The following TBC1D22A variants were observed in gnomAD, a reference collection of about 807,000 sequenced individuals.
TBC1D22A encodes putative GTPase activator.
TBC1D22A carries 38 observed loss-of-function variants against 60.2 expected under a neutral mutation model. The observed-to-expected ratio is 0.63, with a 90% CI of 0.49 to 0.83. The LOEUF (loss-of-function observed/expected upper bound fraction) is 0.83, where lower values mean the gene tolerates loss of function less well. Among genes scored for constraint, TBC1D22A ranks in the 40% least tolerant of loss-of-function variants. The pLI is 0.00. For synonymous variants in TBC1D22A, 302 were observed against 281.7 expected (o/e 1.07, Z -0.72); for missense variants, 628 against 701.0 (o/e 0.90, Z 1.18).
At chr22:47,018,285 T>G (rs2061969883) in intron 10 of TBC1D22A, among the ~76,000 whole-genome samples, 1 of 152,238 alleles carries the variant, frequency 6.6e-6, no homozygotes, top group Non-Finnish European at 1.5e-5. Context: ...GCTGGATGCG[T>G]GTGGATCTGT....
chr22:47,079,898 G>C (rs186772155), intron 11 of TBC1D22A, among the ~76,000 whole-genome samples: 1 of 152,166 alleles, frequency 6.6e-6, no homozygotes, highest in Non-Finnish European at 1.5e-5. Context: ...AGCACTTTAC[G>C]TGTAATAACA....
At chr22:46,809,177 G>T (rs2085279230) in intron 4 of TBC1D22A, among the ~76,000 whole-genome samples, 1 of 152,180 alleles carries the variant, frequency 6.6e-6, no homozygotes, top group South Asian at 2.1e-4. Context: ...CCAGTTTCCG[G>T]GAAGGGCTCT....
intron 7 of TBC1D22A, among the ~76,000 whole-genome samples, chr22:46,909,495 G>A (rs1249483885): frequency 6.6e-6 from 1 of 152,194 alleles, no homozygotes; most frequent in Non-Finnish European, 1.5e-5. Context: ...GGCTGCCGCG[G>A]TCCTCTGGAC....
intron 4 of TBC1D22A, among the ~76,000 whole-genome samples, chr22:46,814,566 G>A (rs2085511915): frequency 6.6e-6 from 1 of 151,918 alleles, no homozygotes; most frequent in African/African-American, 2.4e-5. Context: ...TTTTGTGAGG[G>A]CTGTGTGTGT....
chr22:46,786,933 C>T (rs1244755499), intron 1 of TBC1D22A, among the ~76,000 whole-genome samples: 1 of 152,122 alleles, frequency 6.6e-6, no homozygotes, highest in Non-Finnish European at 1.5e-5. Context: ...GTGATCCTCC[C>T]ACCTTGGCTT....
intron 7 of TBC1D22A, among the ~76,000 whole-genome samples, chr22:46,903,719 G>T (rs371730090): frequency 6.6e-6 from 1 of 152,176 alleles, no homozygotes; most frequent in Non-Finnish European, 1.5e-5. Flanking sequence ...CGGCTGGGCC[G>T]CTGCTGTGAG....
At chr22:47,053,222 G>A (rs913524143) in intron 11 of TBC1D22A, among the ~76,000 whole-genome samples, 4 of 152,178 alleles carry the variant, frequency 2.6e-5, no homozygotes, top group African/African-American at 9.7e-5. Context: ...GGGCTCCTCT[G>A]CCACTTTCTG....
intron 12 of TBC1D22A, among the ~76,000 whole-genome samples, chr22:47,138,667 C>T (rs937946477): frequency 1.3e-5 from 2 of 152,230 alleles, no homozygotes; most frequent in Non-Finnish European, 2.9e-5. Flanking sequence ...TTAGTCTCTC[C>T]GGGCTGGTAT....
chr22:46,982,727 G>C (rs138600619), intron 9 of TBC1D22A, among the ~76,000 whole-genome samples: 1,980 of 152,306 alleles, frequency 0.013, 21 homozygotes, highest in Middle Eastern at 0.034. Flanking sequence ...AGGGATGTGG[G>C]ATGTATTTGG....
rs190758603 is a variant in TBC1D22A, at chr22:47,076,207, T to C, written c.1330-35301T>C. Among the ~76,000 whole-genome samples, 349 of 152,058 alleles carry C rather than the reference T, an allele frequency of 2.3e-3. 2 individuals are homozygous for C. The highest frequency in any genetic ancestry group is 8.0e-3 in the African/African-American group (331 of 41,488). Reference sequence around the variant, plus strand: ...ACAAGCTTAATTGAACGGTTGTATATAGAAGTCTGCACCGGAAAACAGAGA... The same window carrying C: ...ACAAGCTTAATTGAACGGTTGTATACAGAAGTCTGCACCGGAAAACAGAGA... On this transcript the variant is annotated intron_variant, in intron 11 of 12. Coordinates refer to ENST00000337137, the MANE Select transcript of TBC1D22A (RefSeq NM_014346.5).
chr22:47,070,359 C>T (rs983515867), intron 11 of TBC1D22A, among the ~76,000 whole-genome samples: 5 of 143,430 alleles, frequency 3.5e-5, no homozygotes, highest in African/African-American at 1.0e-4. Flanking sequence ...GCTGACCTGA[C>T]GGTCCTGGCT....
At chr22:47,121,055 TAAA>T (rs1023542948) in intron 12 of TBC1D22A, among the ~76,000 whole-genome samples, 1 of 152,154 alleles carries the variant, frequency 6.6e-6, no homozygotes. Flanking sequence ...AAATAACTAA[TAAA>T]AAGAAAATGT....
intron 1 of TBC1D22A, among the ~76,000 whole-genome samples, chr22:46,786,901 G>A (rs912196710): frequency 1.3e-5 from 2 of 152,002 alleles, no homozygotes; most frequent in Admixed American, 1.3e-4. Flanking sequence ...GGCCAGGCTG[G>A]TCTTGAACTC....
At chr22:46,974,507 C>T (rs540446161) in intron 9 of TBC1D22A, 108 bp downstream of exon 9, 74 of 871,312 alleles carry the variant, frequency 8.5e-5, no homozygotes, top group Non-Finnish European at 8.2e-5. Context: ...TGCAGTCCCT[C>T]CTGAAGCCTC....
intron 1 of TBC1D22A, among the ~76,000 whole-genome samples, chr22:46,766,005 G>GTGTGTGTA (rs1360344195): frequency 1.4e-5 from 2 of 138,340 alleles, no homozygotes; most frequent in African/African-American, 5.4e-5. Flanking sequence ...GTGTGTGTGT[G>GTGTGTGTA]TATTTTTTTT....
intron 4 of TBC1D22A, among the ~76,000 whole-genome samples, chr22:46,802,820 G>C (rs1429855134): frequency 6.6e-6 from 1 of 151,854 alleles, no homozygotes; most frequent in African/African-American, 2.4e-5. Flanking sequence ...GGAGACTAGG[G>C]GGCAAGAGTG....
intron 8 of TBC1D22A, among the ~76,000 whole-genome samples, chr22:46,936,401 G>A (rs1043829453): frequency 6.6e-6 from 1 of 152,150 alleles, no homozygotes; most frequent in Non-Finnish European, 1.5e-5. Flanking sequence ...CCTCCCTGCT[G>A]GGGAGCTTTC....
intron 1 of TBC1D22A, among the ~76,000 whole-genome samples, chr22:46,770,882 G>A (rs545777381): frequency 2.6e-5 from 4 of 152,350 alleles, no homozygotes; most frequent in African/African-American, 9.6e-5. Flanking sequence ...TTCCGGCAGT[G>A]ATTGTGTGTT....
chr22:47,014,475 C>T (rs1035489764), intron 10 of TBC1D22A, among the ~76,000 whole-genome samples: 8 of 152,162 alleles, frequency 5.3e-5, no homozygotes, highest in Admixed American at 1.3e-4. Flanking sequence ...AGGTGGCTCC[C>T]GCTCGCAGCC....
Sources: gnomAD v4.1 joint callset for allele counts (sites outside exome capture counted in the v4.1 genomes callset) on GRCh38, gnomAD v4.1.1 for gene constraint, MANE v1.5 for transcripts, NCBI Gene and HGNC (gene_info 2026-07-23, HGNC 2026-07-21) for gene names.